The following KCND2 variants were observed in gnomAD, a reference collection of about 807,000 sequenced individuals.
KCND2 encodes the protein A-type voltage-gated potassium channel KCND2.
Under a neutral mutation model 54.4 loss-of-function variants are expected in KCND2, and 16 were observed. The ratio of observed to expected loss-of-function variants is 0.29; its 90% confidence interval spans 0.20 to 0.45. The LOEUF (loss-of-function observed/expected upper bound fraction) is 0.45. Ranked by LOEUF, KCND2 falls within the 20% of genes least tolerant of loss-of-function variation. The pLI is 1.00. For missense variants in KCND2, 486 were observed against 824.2 expected (o/e 0.59, Z 5.02); for synonymous variants, 317 against 310.7 (o/e 1.02, Z -0.21).
intron 1 of KCND2, among the ~76,000 whole-genome samples, chr7:120,424,798 G>C (rs966236854): frequency 1.3e-5 from 2 of 152,158 alleles, no homozygotes; most frequent in Non-Finnish European, 2.9e-5. Context: ...CAGCTTACTT[G>C]ACAATAAATG....
At chr7:120,740,490 G>C (rs2116171801) in intron 2 of KCND2, among the ~76,000 whole-genome samples, 1 of 152,184 alleles carries the variant, frequency 6.6e-6, no homozygotes, top group Admixed American at 6.6e-5. Context: ...ACACTTGCTA[G>C]CTACATGTAA....
chr7:120,564,316 A>G (rs1351794862), intron 1 of KCND2, among the ~76,000 whole-genome samples: 1 of 152,160 alleles, frequency 6.6e-6, no homozygotes, highest in South Asian at 2.1e-4. Flanking sequence ...GCAGAACTCC[A>G]TATTCCAGAT....
chr7:120,656,847 A>T (rs1354033594), intron 1 of KCND2, among the ~76,000 whole-genome samples: 4 of 152,178 alleles, frequency 2.6e-5, no homozygotes, highest in Non-Finnish European at 5.9e-5. Context: ...CCTCGTGCAG[A>T]ATGACTAGGA....
At chr7:120,608,793 C>G (rs1006962388) in intron 1 of KCND2, among the ~76,000 whole-genome samples, 6 of 152,086 alleles carry the variant, frequency 3.9e-5, no homozygotes, top group African/African-American at 1.2e-4. Context: ...TTGAAAAATT[C>G]AAAGTTTAGA....
chr7:120,464,250 T>C (rs946674835), intron 1 of KCND2, among the ~76,000 whole-genome samples: 1 of 152,026 alleles, frequency 6.6e-6, no homozygotes, highest in Non-Finnish European at 1.5e-5. Context: ...AAACCTACAT[T>C]TCCAGAGATC....
chr7:120,680,657 T>A (rs1456052623), intron 1 of KCND2, among the ~76,000 whole-genome samples: 1 of 152,072 alleles, frequency 6.6e-6, no homozygotes, highest in East Asian at 1.9e-4. Flanking sequence ...GCAAAATTCT[T>A]ATTGCTGCCT....
intron 1 of KCND2, among the ~76,000 whole-genome samples, chr7:120,447,750 T>C (rs1189365877): frequency 6.6e-6 from 1 of 152,198 alleles, no homozygotes; most frequent in Non-Finnish European, 1.5e-5. Context: ...TAATTAGTAT[T>C]CTCAAATGAA....
At chr7:120,425,467 T>C (rs1801694132) in intron 1 of KCND2, among the ~76,000 whole-genome samples, 1 of 152,254 alleles carries the variant, frequency 6.6e-6, no homozygotes, top group South Asian at 2.1e-4. Flanking sequence ...ACAGTGATGA[T>C]ACACTTGTAA....
chr7:120,570,689 G>T (rs1792354801), intron 1 of KCND2, among the ~76,000 whole-genome samples: 1 of 151,894 alleles, frequency 6.6e-6, no homozygotes, highest in South Asian at 2.1e-4. Flanking sequence ...TGCTTCTCAG[G>T]TGAAGGACTC....
At chr7:120,284,084 C>CA (rs756627251) in intron 1 of KCND2, among the ~76,000 whole-genome samples, 7 of 151,310 alleles carry the variant, frequency 4.6e-5, no homozygotes, top group African/African-American at 1.2e-4. Flanking sequence ...CATAAAAATG[C>CA]AAAAAAAGGG....
intron 1 of KCND2, among the ~76,000 whole-genome samples, chr7:120,630,805 A>G (rs1310786642): frequency 6.6e-6 from 1 of 152,102 alleles, no homozygotes; most frequent in Non-Finnish European, 1.5e-5. Flanking sequence ...TTGCATTTTC[A>G]TTTGTTTTTA....
intron 1 of KCND2, among the ~76,000 whole-genome samples, chr7:120,680,350 G>A (rs1044923663): frequency 1.3e-5 from 2 of 151,996 alleles, no homozygotes; most frequent in African/African-American, 4.8e-5. Context: ...TATCTGCCTT[G>A]TTTTAGTTAT....
chr7:120,437,366 A>T (rs78381298), intron 1 of KCND2, among the ~76,000 whole-genome samples: 5,192 of 151,558 alleles, frequency 0.034, 113 homozygotes, highest in Non-Finnish European at 0.052. Context: ...CCATGCCCAG[A>T]TAATTTTTGT....
At chr7:120,700,921 A>AG (rs1414082727) in intron 1 of KCND2, among the ~76,000 whole-genome samples, 5 of 152,162 alleles carry the variant, frequency 3.3e-5, no homozygotes, top group Non-Finnish European at 7.3e-5. Context: ...TCTTACATAA[A>AG]GGGAAGTAGA....
chr7:120,322,947 T>TAAAATAAA (rs1799913069), intron 1 of KCND2, among the ~76,000 whole-genome samples: 1 of 152,174 alleles, frequency 6.6e-6, no homozygotes, highest in Admixed American at 6.6e-5. Flanking sequence ...ATTTATAGTA[T>TAAAATAAA]AAAATAAATA....
chr7:120,677,542 G>GATATAGATATAGATATAGAT, intron 1 of KCND2, among the ~76,000 whole-genome samples: 1 of 139,704 alleles, frequency 7.2e-6, no homozygotes, highest in South Asian at 2.2e-4. Flanking sequence ...TATAGATATA[G>GATATAGATATAGATATAGAT]ATATAGATAT....
intron 1 of KCND2, among the ~76,000 whole-genome samples, chr7:120,606,360 A>G (rs1792882502): frequency 6.6e-6 from 1 of 152,162 alleles, no homozygotes; most frequent in Admixed American, 6.5e-5. Flanking sequence ...TGTCCTTTGA[A>G]GGACAATACT....
chr7:120,454,124 T>A (rs1460413979), intron 1 of KCND2, among the ~76,000 whole-genome samples: 1 of 151,448 alleles, frequency 6.6e-6, no homozygotes, highest in African/African-American at 2.4e-5. Flanking sequence ...GATCTCAAAT[T>A]AACAACCTAA....
intron 1 of KCND2, among the ~76,000 whole-genome samples, chr7:120,521,524 C>G (rs913998795): frequency 1.3e-5 from 2 of 151,966 alleles, no homozygotes; most frequent in African/African-American, 4.8e-5. Flanking sequence ...CATATTAAGT[C>G]ACATTCAGCA....
Sources: gnomAD v4.1 joint callset for allele counts (sites outside exome capture counted in the v4.1 genomes callset) on GRCh38, gnomAD v4.1.1 for gene constraint, MANE v1.5 for transcripts, NCBI Gene and HGNC (gene_info 2026-07-23, HGNC 2026-07-21) for gene names.